The following SLC20A2 variants were observed in gnomAD, a reference collection of about 807,000 sequenced individuals.
The protein encoded by SLC20A2 is sodium-dependent phosphate transporter 2.
A neutral mutation model predicts 61.0 loss-of-function variants in SLC20A2; 30 were observed. The observed-to-expected ratio is 0.49, with a 90% CI of 0.37 to 0.67. The LOEUF (loss-of-function observed/expected upper bound fraction) is 0.67, where lower values mean the gene tolerates loss of function less well. Among genes scored for constraint, SLC20A2 ranks in the 30% least tolerant of loss-of-function variants. The probability of loss-of-function intolerance (pLI) is 0.00; values close to 1 mark genes in which losing one functional copy is unlikely to be tolerated. For synonymous variants in SLC20A2, 351 were observed against 353.3 expected (o/e 0.99, Z 0.07); for missense variants, 626 against 866.4 (o/e 0.72, Z 3.48).
At chr8:42,513,144 GA>G in intron 1 of SLC20A2, among the ~76,000 whole-genome samples, 1 of 152,206 alleles carries the variant, frequency 6.6e-6, no homozygotes, top group East Asian at 1.9e-4. Flanking sequence ...ATGCATGGAG[GA>G]AAAAAAGTAT....
intron 1 of SLC20A2, among the ~76,000 whole-genome samples, chr8:42,500,121 G>A (rs1810225951): frequency 6.6e-6 from 1 of 152,188 alleles, no homozygotes; most frequent in Admixed American, 6.5e-5. Flanking sequence ...TAGATAGCTG[G>A]TGAGCACCTA....
chr8:42,455,235 A>T (rs1279320707), intron 5 of SLC20A2, among the ~76,000 whole-genome samples: 189 of 104,010 alleles, frequency 1.8e-3, no homozygotes, highest in African/African-American at 7.0e-3. Context: ...AAAAAAAAAA[A>T]AAAAAAATAT....
intron 8 of SLC20A2, among the ~76,000 whole-genome samples, chr8:42,434,268 G>T (rs1023484269): frequency 6.6e-6 from 1 of 152,170 alleles, no homozygotes; most frequent in Non-Finnish European, 1.5e-5. Context: ...TGTATTTTTA[G>T]TAGAGGTGGG....
intron 1 of SLC20A2, among the ~76,000 whole-genome samples, chr8:42,515,981 G>A (rs1017253088): frequency 1.3e-5 from 2 of 152,200 alleles, no homozygotes; most frequent in African/African-American, 4.8e-5. Context: ...ACACAGAGCT[G>A]CTATGCAAGT....
At chr8:42,531,320 T>C (rs1357666108) in intron 1 of SLC20A2, among the ~76,000 whole-genome samples, 2 of 152,174 alleles carry the variant, frequency 1.3e-5, no homozygotes, top group Non-Finnish European at 2.9e-5. Context: ...CTTTTAGCTC[T>C]AAGATACCCA....
At chr8:42,430,593 C>T (rs1221328145) in intron 8 of SLC20A2, among the ~76,000 whole-genome samples, 1 of 152,158 alleles carries the variant, frequency 6.6e-6, no homozygotes, top group African/African-American at 2.4e-5. Flanking sequence ...GAACCCCTGA[C>T]CTTGTGATCT....
At chr8:42,498,465 T>C (rs1449746479) in intron 1 of SLC20A2, among the ~76,000 whole-genome samples, 1 of 152,162 alleles carries the variant, frequency 6.6e-6, no homozygotes, top group Non-Finnish European at 1.5e-5. Flanking sequence ...TTTCTGCCAG[T>C]GTAGTTACTG....
chr8:42,506,301 C>T (rs1318680623), intron 1 of SLC20A2, among the ~76,000 whole-genome samples: 1 of 152,158 alleles, frequency 6.6e-6, no homozygotes, highest in African/African-American at 2.4e-5. Context: ...CAAAGTGTAC[C>T]CCACGACCTA....
intron 5 of SLC20A2, among the ~76,000 whole-genome samples, chr8:42,459,156 A>T (rs1168815310): frequency 1.3e-5 from 2 of 148,882 alleles, no homozygotes; most frequent in Non-Finnish European, 3.0e-5. Flanking sequence ...GAATCGCTTG[A>T]ACCTGGGAGG....
rs1210825302 is a variant in SLC20A2 at position 42,437,929 on chromosome 8, T to C, written c.935-352A>G. 1.3e-5 allele frequency among the ~76,000 whole-genome samples: 2 copies of C among 151,550 alleles called. No homozygotes were observed. The highest frequency in any genetic ancestry group is 2.4e-5 in the African/African-American group (1 of 41,238). On this transcript the variant is annotated intron_variant, in intron 7 of 10. Transcript: ENST00000520262. This position sits in a 1 kb window ranked among gnomAD's most constrained non-coding sequence, Gnocchi z 6.4. ...GTGCCCAGCCCCAGCCTTTCGAATA[T>C]AAGCGAAGGAAACACTCCCTACTAT...
At chr8:42,537,927 T>A (rs377362425) in intron 1 of SLC20A2, 3 of 152,230 alleles carry the variant, frequency 2.0e-5, no homozygotes, top group Non-Finnish European at 4.4e-5. Context: ...TGCCTACTTA[T>A]GATTTCCGGT....
At chr8:42,449,783 A>G (rs923433843) in intron 5 of SLC20A2, among the ~76,000 whole-genome samples, 13 of 152,232 alleles carry the variant, frequency 8.5e-5, no homozygotes, top group African/African-American at 2.7e-4. Context: ...CCAGGGAGAC[A>G]GTAAGAACTA....
chr8:42,540,437 T>G (rs553418258), intron 1 of SLC20A2, among the ~76,000 whole-genome samples: 1 of 152,322 alleles, frequency 6.6e-6, no homozygotes, highest in South Asian at 2.1e-4. Context: ...GTACTCAACA[T>G]CACCTGTTAT....
chr8:42,449,355 T>C lies in SLC20A2; in HGVS notation c.614-4593A>G, dbSNP rs949369247. ...CATTTGCGGAGCAGCTAAGATACGA[T>C]GAATAGTGATTTAGCTCTAACCTCA... On this transcript the variant is annotated intron_variant, in intron 5 of 10. Transcript: ENST00000520262. Among the ~76,000 whole-genome samples, 6 of 152,232 alleles carry C rather than the reference T, an allele frequency of 3.9e-5. No homozygotes were observed. The East Asian group carries it at 1.2e-3, about 29-fold the overall frequency.
chr8:42,541,342 C>A (rs1813130803), intron 1 of SLC20A2: 1 of 148,194 alleles, frequency 6.7e-6, no homozygotes, highest in Non-Finnish European at 1.5e-5. Context: ...CCAGCCCTGG[C>A]CCCCACCCGC....
intron 1 of SLC20A2, among the ~76,000 whole-genome samples, chr8:42,528,352 C>T (rs949455561): frequency 5.3e-5 from 8 of 151,750 alleles, no homozygotes; most frequent in African/African-American, 1.9e-4. Context: ...GTCCCAGCTA[C>T]GCAGGAGGCT....
chr8:42,419,125 C>G (rs966011491), intron 10 of SLC20A2, among the ~76,000 whole-genome samples: 1 of 151,410 alleles, frequency 6.6e-6, no homozygotes, highest in East Asian at 1.9e-4. Flanking sequence ...CTCCTGTTTT[C>G]TCTTTACCCA....
In SLC20A2 at chr8:42,468,135, C is replaced by G. The variant is rs553991393; in HGVS notation, c.290-2218G>C. On this transcript the variant is annotated intron_variant, in intron 2 of 10. Coordinates refer to ENST00000520262, the MANE Select transcript of SLC20A2 (RefSeq NM_001257180.2). ...GCCAAGATGGTCTCAATCTCCTGAC[C>G]TCATGATCCGCCTGCCTCGGCCTCC... Among the ~76,000 whole-genome samples, 4 of 152,180 alleles carry G rather than the reference C, an allele frequency of 2.6e-5. No individual in the cohort carries two copies. In the East Asian group the frequency reaches 7.7e-4, roughly 29 times the overall value.
At chr8:42,464,382 A>G (rs1026325229) in intron 3 of SLC20A2, among the ~76,000 whole-genome samples, 4 of 149,822 alleles carry the variant, frequency 2.7e-5, no homozygotes, top group African/African-American at 9.9e-5. Flanking sequence ...TTGGCCTCCC[A>G]AAGTGATGGA....
Sources: gnomAD v4.1 joint callset for allele counts (sites outside exome capture counted in the v4.1 genomes callset) on GRCh38, gnomAD v4.1.1 for gene constraint, Gnocchi (gnomAD v3.1) non-coding constraint, MANE v1.5 for transcripts, NCBI Gene and HGNC (gene_info 2026-07-23, HGNC 2026-07-21) for gene names.